Variants in PALS1 observed in about 807,000 individuals in gnomAD.
PALS1 encodes the protein protein PALS1.
In PALS1, 31 loss-of-function variants were observed where a neutral mutation model predicts 78.9. The ratio of observed to expected loss-of-function variants is 0.39; its 90% confidence interval spans 0.30 to 0.53. The LOEUF (loss-of-function observed/expected upper bound fraction) is 0.53. Ranked by LOEUF, PALS1 falls within the 20% of genes least tolerant of loss-of-function variation. The probability of loss-of-function intolerance (pLI) is 0.67; values close to 1 mark genes in which losing one functional copy is unlikely to be tolerated. For missense variants in PALS1, 704 were observed against 826.5 expected, an observed-to-expected ratio of 0.85 and a Z score of 1.82; for synonymous variants, 276 against 270.9, an observed-to-expected ratio of 1.02 and a Z score of -0.18.
chr14:67,255,711 C>T (rs1161149475), intron 1 of PALS1, among the ~76,000 whole-genome samples: 3 of 152,160 alleles, frequency 2.0e-5, no homozygotes, highest in Admixed American at 1.3e-4. Flanking sequence ...GATGGAGTCT[C>T]GCTCTGTTGC....
intron 1 of PALS1, among the ~76,000 whole-genome samples, chr14:67,260,521 G>A (rs1427917557): frequency 6.6e-6 from 1 of 152,204 alleles, no homozygotes; most frequent in Non-Finnish European, 1.5e-5. Flanking sequence ...GACAATAAAT[G>A]CTACAGCAAA....
rs1477695642 is a variant in PALS1 at position 67,333,301 on chromosome 14, G to A, written c.*345G>A. ...CTGTGAAAAACTTGTATACACAAGCGTCCATGTCTCACACAAATATTGATG... is the reference window on the plus strand; with the variant it reads ...CTGTGAAAAACTTGTATACACAAGCATCCATGTCTCACACAAATATTGATG... On this transcript the variant is annotated 3_prime_UTR_variant, in exon 15 of 15. Coordinates refer to ENST00000261681, the MANE Select transcript of PALS1 (RefSeq NM_022474.4). 2.3e-5 allele frequency: 4 copies of A among 174,932 alleles called. No homozygotes were observed. The highest frequency in any genetic ancestry group is 2.4e-5 in the Non-Finnish European group (2 of 82,318). The allele number at this position is 174,932 out of a possible 1,614,324, so 10.8% of individuals were successfully genotyped here.
chr14:67,304,133 A>C (rs530409582), intron 8 of PALS1: 1 of 154,086 alleles, frequency 6.5e-6, no homozygotes, highest in East Asian at 1.9e-4. Context: ...TTTTATAGTT[A>C]TAGGTGGGTT....
chr14:67,261,054 T>C (rs1595567058), intron 1 of PALS1, among the ~76,000 whole-genome samples: 1 of 152,182 alleles, frequency 6.6e-6, no homozygotes, highest in East Asian at 1.9e-4. Flanking sequence ...TTTGTTAAGA[T>C]ACAAAATTGA....
chr14:67,296,120 GAGA>G (rs2084844497), intron 4 of PALS1, among the ~76,000 whole-genome samples: 1 of 152,062 alleles, frequency 6.6e-6, no homozygotes, highest in South Asian at 2.1e-4. Flanking sequence ...GGGGAATGGT[GAGA>G]AGAAGGAAAA....
At position 67,263,645 on chromosome 14, in the gene PALS1, AC is replaced by A. The variant is rs202226584; in HGVS notation, c.-236-6054del. Among the ~76,000 whole-genome samples, 8 of 152,250 alleles carry A rather than the reference AC, an allele frequency of 5.3e-5. No homozygotes were observed. In the East Asian group the frequency reaches 1.4e-3, roughly 26 times the overall value. ...CAGACTTGGTGTGTGTTTTGGCTCT[AC>A]CACTTAGATTTCTGACCTCGAAAAA... is the stretch of plus-strand genomic sequence containing the variant. On this transcript the variant is annotated intron_variant, in intron 1 of 14. Coordinates refer to ENST00000261681, the MANE Select transcript of PALS1 (RefSeq NM_022474.4).
At chr14:67,311,289 C>A in intron 8 of PALS1, among the ~76,000 whole-genome samples, 1 of 124,352 alleles carries the variant, frequency 8.0e-6, no homozygotes, top group Non-Finnish European at 1.6e-5. Context: ...CCAGCCTGGG[C>A]AACAGAGCGA....
rs778846917 is a variant in PALS1 at position 67,279,373 on chromosome 14, G to T, written c.203G>T (p.Arg68Leu). 6.2e-7 allele frequency: 1 copy of T among 1,613,868 alleles called. No homozygotes were observed. Among genetic ancestry groups the T allele is most frequent in the Admixed American group, 1.7e-5 (1 of 59,944 alleles). ...CGGCAACAACAGGAGGACATGAGGC[G>T]TAGGAGAGAGGAAGAAGGGAAAAAG... ...RIRQQQEDMR[R>L]RREEEGKKQE... The change falls in exon 3 of 15, where the codon CGT becomes CTT. Residue 68 changes from arginine (R) to leucine (L), a missense_variant. Arg to Leu is a moderately radical substitution (Grantham distance 102, BLOSUM62 -2). Transcript: ENST00000261681.
chr14:67,315,946 T>TA (rs2085167207), intron 9 of PALS1, among the ~76,000 whole-genome samples: 1 of 152,240 alleles, frequency 6.6e-6, no homozygotes, highest in Non-Finnish European at 1.5e-5. Flanking sequence ...AGGCTTCCTT[T>TA]AATGCTTCTT....
At chr14:67,316,574 T>TTTAAAA (rs2085179184) in intron 9 of PALS1, among the ~76,000 whole-genome samples, 1 of 152,160 alleles carries the variant, frequency 6.6e-6, no homozygotes, top group East Asian at 1.9e-4. Flanking sequence ...TTTAAAAAGT[T>TTTAAAA]GAACTATTAA....
chr14:67,328,770 C>CAA (rs2085398778), intron 14 of PALS1, among the ~76,000 whole-genome samples: 1 of 152,124 alleles, frequency 6.6e-6, no homozygotes, highest in Non-Finnish European at 1.5e-5. Flanking sequence ...TCAGGTTTGT[C>CAA]AAAGATCAGA....
chr14:67,280,859 C>G (rs1397528991), intron 3 of PALS1, among the ~76,000 whole-genome samples: 2 of 129,216 alleles, frequency 1.5e-5, no homozygotes, highest in African/African-American at 5.9e-5. Flanking sequence ...TTCCTTCCCT[C>G]CCTCCCTCCC....
At chr14:67,323,924 AT>A (rs1275906287) in intron 14 of PALS1, 112 bp downstream of exon 14, 3 of 607,924 alleles carry the variant, frequency 4.9e-6, no homozygotes, top group Non-Finnish European at 8.6e-6. Context: ...CAAACTGATT[AT>A]TTTTTCTGTA....
intron 4 of PALS1, among the ~76,000 whole-genome samples, chr14:67,293,703 C>T (rs765532887): frequency 2.0e-5 from 3 of 152,112 alleles, no homozygotes; most frequent in Non-Finnish European, 4.4e-5. Flanking sequence ...AAGGAAAAGA[C>T]GAGTACCAAT....
chr14:67,331,775 C>G (rs2085453449), intron 14 of PALS1, among the ~76,000 whole-genome samples: 1 of 152,118 alleles, frequency 6.6e-6, no homozygotes, highest in South Asian at 2.1e-4. Context: ...AGTTTCAGTT[C>G]TCTGTGGAGT....
chr14:67,314,075 C>T (rs2085133578), intron 9 of PALS1, among the ~76,000 whole-genome samples: 1 of 151,758 alleles, frequency 6.6e-6, no homozygotes, highest in Admixed American at 6.6e-5. Context: ...TATCTACAAC[C>T]TTTTTTAGCG....
rs1297530298 is a variant in PALS1, at chr14:67,335,398, T to TA, written c.*2443dup. On this transcript the variant is annotated 3_prime_UTR_variant, in exon 15 of 15. Coordinates refer to ENST00000261681, the MANE Select transcript of PALS1 (RefSeq NM_022474.4). Reference sequence around the variant, plus strand: ...GGAGACCCCAGTGTGGGGGAGGTCTTACCATTTAATATAGAAATGATATCA... The same window carrying TA: ...GGAGACCCCAGTGTGGGGGAGGTCTTAACCATTTAATATAGAAATGATATCA... 6.6e-6 allele frequency: 1 copy of TA among 152,234 alleles called. No homozygotes were observed. Among genetic ancestry groups the TA allele is most frequent in the Non-Finnish European group, 1.5e-5 (1 of 68,050 alleles). The allele number at this position is 152,234 out of a possible 1,614,324, so 9.4% of individuals were successfully genotyped here.
chr14:67,279,688 A>G (rs976946419), intron 3 of PALS1, 151 bp downstream of exon 3: 3 of 689,174 alleles, frequency 4.4e-6, no homozygotes, highest in Middle Eastern at 8.6e-4. Flanking sequence ...GAAACGCCGT[A>G]TAACTATTGT....
At chr14:67,246,656 T>G (rs931413945) in intron 1 of PALS1, among the ~76,000 whole-genome samples, 2 of 147,878 alleles carry the variant, frequency 1.4e-5, no homozygotes, top group Non-Finnish European at 3.0e-5. Context: ...TAGGTTTTTT[T>G]TTTTTTTTTT....
Sources: allele counts gnomAD v4.1 joint callset (sites outside exome capture counted in the v4.1 genomes callset), GRCh38; gene constraint gnomAD v4.1.1; transcripts MANE v1.5; gene names NCBI Gene and HGNC (gene_info 2026-07-23, HGNC 2026-07-21).